Variants in CCDC57 observed in about 807,000 individuals in gnomAD.
The protein encoded by CCDC57 is coiled-coil domain containing 57, also known as coiled-coil domain-containing protein 57.
CCDC57 carries 118 observed loss-of-function variants against 118.9 expected under a neutral mutation model. That is an observed-to-expected ratio of 0.99 (90% CI 0.86 to 1.16). The LOEUF (loss-of-function observed/expected upper bound fraction) is 1.16. Among genes scored for constraint, CCDC57 ranks in the 50% most tolerant of loss-of-function variants. The pLI, the probability that CCDC57 is intolerant of heterozygous loss-of-function variation, is 0.00. For synonymous variants in CCDC57, 527 were observed against 532.9 expected (o/e 0.99, Z 0.15); for missense variants, 1,300 against 1,320.7 (o/e 0.98, Z 0.24).
intron 7 of CCDC57, 100 bp from the exon 7 acceptor site, chr17:82,188,519 G>T: frequency 8.4e-7 from 1 of 1,197,382 alleles, no homozygotes; most frequent in Non-Finnish European, 1.1e-6. Context: ...GTGCACAGGT[G>T]CTGCTGTATG....
At chr17:82,126,928 G>A in intron 19 of CCDC57, 1 of 985,382 alleles carries the variant, frequency 1.0e-6, no homozygotes, top group Non-Finnish European at 1.2e-6. Flanking sequence ...CAGGCACACA[G>A]GAAGGACGCA....
chr17:82,200,830 T>C (rs1299625184), intron 3 of CCDC57, among the ~76,000 whole-genome samples: 1 of 152,132 alleles, frequency 6.6e-6, no homozygotes, highest in Non-Finnish European at 1.5e-5. Flanking sequence ...CTGCTTATGT[T>C]AGAAGAATAC....
At chr17:82,171,081 C>T (rs113427438) in intron 13 of CCDC57, among the ~76,000 whole-genome samples, 87 of 107,890 alleles carry the variant, frequency 8.1e-4, no homozygotes, top group African/African-American at 1.2e-3. Context: ...ACGTGGGCTC[C>T]GGAGGGAGCA....
At chr17:82,157,616 G>A (rs1178076537) in intron 15 of CCDC57, 132 bp downstream of exon 14, 22 of 1,445,354 alleles carry the variant, frequency 1.5e-5, no homozygotes, top group East Asian at 2.5e-5. Flanking sequence ...TTCCAGGCAC[G>A]GCCTTCACTG....
At chr17:82,179,643 G>C (rs1285626102) in intron 9 of CCDC57, among the ~76,000 whole-genome samples, 5 of 152,106 alleles carry the variant, frequency 3.3e-5, no homozygotes, top group African/African-American at 1.2e-4. Context: ...GGGGATGGGA[G>C]AGCCCCCCGA....
At chr17:82,127,719 C>T in exon 19 of CCDC57, 1 of 1,609,336 alleles carries the variant, frequency 6.2e-7, no homozygotes, top group Non-Finnish European at 8.5e-7. Context: ...TGGGAGGTGA[C>T]ACCAGAAGGG....
intron 15 of CCDC57, chr17:82,152,118 A>G (rs1209403606): frequency 3.3e-6 from 1 of 302,328 alleles, no homozygotes; most frequent in Non-Finnish European, 6.3e-6. Context: ...GAATCTGAGG[A>G]CACCCAACCA....
At chr17:82,176,937 C>T (rs1343216289) in intron 11 of CCDC57, among the ~76,000 whole-genome samples, 2 of 151,744 alleles carry the variant, frequency 1.3e-5, no homozygotes, top group Non-Finnish European at 2.9e-5. Context: ...TGGCATTTGC[C>T]TTGGCTAAAG....
chr17:82,130,414 C>T (rs1288155398), intron 17 of CCDC57, among the ~76,000 whole-genome samples: 1 of 151,076 alleles, frequency 6.6e-6, no homozygotes, highest in African/African-American at 2.4e-5. Flanking sequence ...AGGCTGGTCT[C>T]GAACTCCTGA....
chr17:82,117,743 C>CAATAAACA (rs2036107335), intron 19 of CCDC57, among the ~76,000 whole-genome samples: 2 of 151,126 alleles, frequency 1.3e-5, no homozygotes, highest in African/African-American at 4.9e-5. Context: ...TCAGATTGGC[C>CAATAAACA]AACAAACAAA....
intron 13 of CCDC57, among the ~76,000 whole-genome samples, chr17:82,167,436 C>T (rs530965245): frequency 0.01 from 1,539 of 152,080 alleles, 23 homozygotes; most frequent in African/African-American, 0.036. Context: ...CTGCAACCTC[C>T]ACCTCCCGGG....
chr17:82,133,395 T>C (rs1249359516), intron 17 of CCDC57, among the ~76,000 whole-genome samples: 1 of 138,176 alleles, frequency 7.2e-6, no homozygotes, highest in African/African-American at 2.7e-5. Flanking sequence ...AAAAAAGAAG[T>C]TTTTGGGTTC....
intron 19 of CCDC57, among the ~76,000 whole-genome samples, chr17:82,119,019 G>T (rs2036290752): frequency 6.7e-6 from 1 of 148,850 alleles, no homozygotes; most frequent in African/African-American, 2.5e-5. Flanking sequence ...TTGCTGAATG[G>T]TTCTTTCTTT....
intron 13 of CCDC57, among the ~76,000 whole-genome samples, chr17:82,168,644 A>C (rs1044620189): frequency 1.3e-5 from 2 of 152,216 alleles, no homozygotes; most frequent in African/African-American, 2.4e-5. Context: ...AGGTAAAAAG[A>C]AAAAGGGATG....
intron 19 of CCDC57, among the ~76,000 whole-genome samples, chr17:82,117,334 G>A (rs1161079769): frequency 6.6e-6 from 1 of 152,044 alleles, no homozygotes; most frequent in African/African-American, 2.4e-5. Flanking sequence ...GACAGAGGGA[G>A]ATCCTGACTC....
In CCDC57 at chr17:82,202,348, G is replaced by A. The variant is rs139226139; in HGVS notation, c.-8-396C>T. 5.9e-3 allele frequency among the ~76,000 whole-genome samples: 892 copies of A among 151,528 alleles called. 8 individuals carry two copies. Among genetic ancestry groups the A allele is most frequent in the Middle Eastern group, 0.054 (16 of 294 alleles). ...CCTGCTGTGGTGGCACGTGCCTGTA[G>A]TCCCAGCTACTCGGGAGGCTGAGGC... On this transcript the variant is annotated intron_variant, in intron 2 of 19. Coordinates refer to ENST00000665763, the Ensembl canonical transcript of CCDC57.
rs1169967591 is a variant in CCDC57 at position 82,123,182 on chromosome 17, G to A, written c.2899+4510C>T. Among the ~76,000 whole-genome samples, 5 of 141,804 alleles carry A rather than the reference G, an allele frequency of 3.5e-5. No individual in the cohort carries two copies. In the East Asian group the frequency reaches 1.0e-3, roughly 29 times the overall value. The allele number at this position is 141,804 out of a possible 152,430, so 93.0% of individuals were successfully genotyped here. A position where few individuals can be genotyped will look rare whatever the true frequency, so the allele number is the denominator to read the frequency against. On this transcript the variant is annotated intron_variant, in intron 19 of 19. Transcript: ENST00000665763. Reference sequence around the variant, plus strand: ...CTTGCTCTCTCACCCAGGCTGGAGTGCAGTGTGTAATCACAGCTCACTGCG... The same window carrying A: ...CTTGCTCTCTCACCCAGGCTGGAGTACAGTGTGTAATCACAGCTCACTGCG...
intron 1 of CCDC57, among the ~76,000 whole-genome samples, chr17:82,209,925 C>G (rs1599523013): frequency 6.6e-6 from 1 of 152,256 alleles, no homozygotes; most frequent in East Asian, 1.9e-4. Flanking sequence ...CTATCTGGTA[C>G]TGGGATCTTG....
chr17:82,138,179 C>T (rs1283014890), intron 16 of CCDC57, among the ~76,000 whole-genome samples: 4 of 135,130 alleles, frequency 3.0e-5, no homozygotes, highest in Admixed American at 8.0e-5. Flanking sequence ...GACGGAGTCT[C>T]GCTCTGTTGC....
Sources: gnomAD v4.1 joint callset for allele counts (sites outside exome capture counted in the v4.1 genomes callset) on GRCh38, gnomAD v4.1.1 for gene constraint, MANE v1.5 for transcripts, NCBI Gene and HGNC (gene_info 2026-07-23, HGNC 2026-07-21) for gene names.